EPB41L1: variants seen among roughly 807,000 people sequenced by gnomAD.
The protein encoded by EPB41L1 is erythrocyte membrane protein band 4.1 like 1.
Under a neutral mutation model 97.8 loss-of-function variants are expected in EPB41L1, and 29 were observed. The observed-to-expected ratio is 0.30, with a 90% CI of 0.22 to 0.40. The LOEUF is 0.40. Among genes scored for constraint, EPB41L1 ranks in the 10% least tolerant of loss-of-function variants. The pLI is 1.00. For synonymous variants in EPB41L1, 383 were observed against 459.2 expected, an observed-to-expected ratio of 0.83 and a Z score of 2.12; for missense variants, 812 against 1,162.3, an observed-to-expected ratio of 0.70 and a Z score of 4.38.
rs1394030032 is a variant in EPB41L1, at chr20:36,231,231, T to A, written c.*1891T>A. On this transcript the variant is annotated 3_prime_UTR_variant, in exon 22 of 22. Coordinates refer to ENST00000338074, the MANE Select transcript of EPB41L1 (RefSeq NM_012156.2). ...GCATTGCTCTCTGCCACACGTGGGC[T>A]TCCTCAGGCTTGTCTGCCACAAGCT... The A allele has an allele frequency of 6.6e-6, 1 of 152,216 alleles. No individual in the cohort carries two copies. The highest frequency in any genetic ancestry group is 1.5e-5 in the Non-Finnish European group (1 of 68,036). The allele number at this position is 152,216 out of a possible 1,614,324, so 9.4% of individuals were successfully genotyped here. A position where few individuals can be genotyped will look rare whatever the true frequency, so the allele number is the denominator to read the frequency against.
intron 11 of EPB41L1, among the ~76,000 whole-genome samples, chr20:36,193,335 G>A (rs1031062464): frequency 6.6e-6 from 1 of 152,150 alleles, no homozygotes; most frequent in Non-Finnish European, 1.5e-5. Flanking sequence ...TCAACATAGG[G>A]TATTGTGTAA....
At chr20:36,111,099 A>T (rs2058385766) in intron 1 of EPB41L1, among the ~76,000 whole-genome samples, 1 of 152,238 alleles carries the variant, frequency 6.6e-6, no homozygotes, top group Non-Finnish European at 1.5e-5. Context: ...GCATCATCTC[A>T]TTTAGTCCCC....
intron 1 of EPB41L1, among the ~76,000 whole-genome samples, chr20:36,169,401 T>A (rs894060308): frequency 1.3e-5 from 2 of 152,278 alleles, no homozygotes; most frequent in African/African-American, 4.8e-5. Flanking sequence ...AAGAGGTCCA[T>A]GAATGACTGT....
At chr20:36,124,440 G>A in intron 2 of EPB41L1, among the ~76,000 whole-genome samples, 1 of 152,108 alleles carries the variant, frequency 6.6e-6, no homozygotes, top group Non-Finnish European at 1.5e-5. Flanking sequence ...TAGATCATTG[G>A]AAATTATTCT....
At chr20:36,191,310 T>G (rs1232594066) in intron 11 of EPB41L1, among the ~76,000 whole-genome samples, 1 of 152,176 alleles carries the variant, frequency 6.6e-6, no homozygotes, top group Non-Finnish European at 1.5e-5. Context: ...TTGGTCATTC[T>G]TTTGGTTCTA....
rs1050785616 is a variant in EPB41L1 at position 36,232,697 on chromosome 20, G to A, written c.*3357G>A. 13 of 398,404 alleles carry A rather than the reference G, an allele frequency of 3.3e-5. No individual in the cohort carries two copies. Among genetic ancestry groups the A allele is most frequent in the African/African-American group, 2.1e-4 (10 of 48,334 alleles). 24.7% of individuals were successfully genotyped at this position (398,404 alleles called of 1,614,324 possible). On this transcript the variant is annotated 3_prime_UTR_variant, in exon 22 of 22. Coordinates refer to ENST00000338074, the MANE Select transcript of EPB41L1 (RefSeq NM_012156.2). ...TACTCACACCCTTCTCTCCTTTCTC[G>A]TCCCCATGCTCCCCCACCTCAGTGC...
intron 14 of EPB41L1, chr20:36,200,901 G>A (rs561798794): frequency 1.1e-5 from 5 of 456,664 alleles, no homozygotes; most frequent in Admixed American, 4.7e-5. Context: ...ATCTCTCAGC[G>A]GGACTTGGTA....
rs143221478 is a variant in EPB41L1, at chr20:36,227,050, C to T, written c.2638-2282C>T. Among the ~76,000 whole-genome samples, 6 of 152,250 alleles carry T rather than the reference C, an allele frequency of 3.9e-5. No homozygotes were observed. The East Asian group carries it at 1.2e-3, about 29-fold the overall frequency. ...TGACCAGGGGCCAGGCACAGTGGCT[C>T]ACACTTGTAATCCCAGCACTTTGGG... On this transcript the variant is annotated intron_variant, in intron 21 of 21. Transcript: ENST00000338074.
At chr20:36,201,123 C>T (rs935365553) in intron 14 of EPB41L1, 93 of 371,026 alleles carry the variant, frequency 2.5e-4, no homozygotes, top group African/African-American at 1.8e-3. Flanking sequence ...CATGCTGTCT[C>T]CATGCTGTGA....
At position 36,097,157 on chromosome 20, in the gene EPB41L1, C is replaced by T. The variant is rs113076080; in HGVS notation, c.-65+5545C>T. Among the ~76,000 whole-genome samples, 789 of 152,314 alleles carry T rather than the reference C, an allele frequency of 5.2e-3. 3 individuals are homozygous for T. Among genetic ancestry groups the T allele is most frequent in the Non-Finnish European group, 8.0e-3 (543 of 68,034 alleles). ...ATTGAAAGAGGAATCCAAATATCTG[C>T]GTCCATGCCTTGTTATGTGACTGAG... On this transcript the variant is annotated intron_variant, in intron 1 of 19. Coordinates refer to the EPB41L1 transcript ENST00000202028.
At chr20:36,156,228 A>G (rs1018751220) in intron 1 of EPB41L1, among the ~76,000 whole-genome samples, 11 of 152,270 alleles carry the variant, frequency 7.2e-5, no homozygotes, top group Middle Eastern at 3.4e-3. Flanking sequence ...CAGGCATAGT[A>G]TTTATGGCAT....
In EPB41L1 at chr20:36,222,095, C is replaced by A. The variant is rs2063816493; in HGVS notation, c.2520+151C>A. 2.0e-5 allele frequency: 20 copies of A among 1,019,162 alleles called. No homozygotes were observed. In the South Asian group the frequency reaches 2.4e-4, roughly 12 times the overall value. The allele number at this position is 1,019,162 out of a possible 1,614,324, so 63.1% of individuals were successfully genotyped here. On this transcript the variant is annotated intron_variant, in intron 20 of 21. Coordinates refer to ENST00000338074, the MANE Select transcript of EPB41L1 (RefSeq NM_012156.2). ...AGATAAGAAACCCCCAAGAGAGGGG[C>A]ATTGGATGGGAGCCAGAAGGAGCCA...
chr20:36,130,969 C>T (rs1398487090), intron 2 of EPB41L1, among the ~76,000 whole-genome samples: 2 of 150,932 alleles, frequency 1.3e-5, no homozygotes, highest in South Asian at 2.1e-4. Flanking sequence ...CCACCACACC[C>T]GGCTAATTTT....
At chr20:36,229,277 CT>C in intron 21 of EPB41L1, 54 bp from the exon 22 acceptor site, 1 of 1,466,428 alleles carries the variant, frequency 6.8e-7, no homozygotes, top group Non-Finnish European at 9.5e-7. Context: ...TGTCCTCTTC[CT>C]TCCTTTCCCC....
Position 36,222,351 on chromosome 20 carries a change from G to C in EPB41L1, c.2594G>C (p.Arg865Thr), listed in dbSNP as rs757167798. Residue 865 changes from arginine to threonine, a missense_variant, in exon 21 of 22, where the codon AGA becomes ACA. By Grantham distance (71) the Arg-to-Thr change is moderately conservative. Transcript: ENST00000338074. ...CTGGTAACCAAAGCTGTCGTATACA[G>C]AGAAACAGACCCATCCCCAGAGGAG... ...DMLVTKAVVY[R>T]ETDPSPEERD... 6 of 1,614,154 alleles carry C rather than the reference G, an allele frequency of 3.7e-6. No homozygotes were observed. The highest frequency in any genetic ancestry group is 4.2e-6 in the Non-Finnish European group (5 of 1,180,042).
chr20:36,099,160 C>T (rs1476573814), intron 1 of EPB41L1, among the ~76,000 whole-genome samples: 1 of 152,058 alleles, frequency 6.6e-6, no homozygotes, highest in Non-Finnish European at 1.5e-5. Context: ...CAGAGCAAGA[C>T]TCCGTCTCGA....
Position 36,178,040 on chromosome 20 carries a change from A to T in EPB41L1, c.431A>T (p.Asp144Val), listed in dbSNP as rs1317420506. 1 of 1,613,774 alleles carries T rather than the reference A, an allele frequency of 6.2e-7. No individual in the cohort carries two copies. The highest frequency in any genetic ancestry group is 1.3e-5 in the African/African-American group (1 of 74,918). ...EKDYFGLTFC[D>V]ADSQKNWLDP... ...GACTACTTCGGCCTGACCTTCTGTG[A>T]TGCTGACAGCCAGAAGGTACCTGGG... The change falls in exon 4 of 22, where the codon GAT becomes GTT. Residue 144 changes from aspartate to valine, a missense_variant. Physicochemically the swap from Asp to Val is radical, Grantham distance 152 (BLOSUM62 -3). Coordinates refer to ENST00000338074, the MANE Select transcript of EPB41L1 (RefSeq NM_012156.2).
In EPB41L1 at chr20:36,206,468, G is replaced by A. The variant is rs570064936; in HGVS notation, c.1669-3020G>A. ...ACTGATACTTCCTTTGCAGAGAGGA[G>A]CTTCTATTTAAATTATGAAGAAAAA... On this transcript the variant is annotated intron_variant, in intron 14 of 21. Transcript: ENST00000338074. The surrounding 1 kb of genome is among the most constrained non-coding windows in gnomAD (Gnocchi z 5.5). 1 of 1,289,956 alleles carries A rather than the reference G, an allele frequency of 7.8e-7. No homozygotes were observed. Among genetic ancestry groups the A allele is most frequent in the East Asian group, 5.5e-5 (1 of 18,026 alleles). The allele number at this position is 1,289,956 out of a possible 1,614,324, so 79.9% of individuals were successfully genotyped here.
intron 1 of EPB41L1, 47 bp from the exon 2 acceptor site, chr20:36,173,717 C>A (rs977923404): frequency 1.1e-5 from 17 of 1,567,696 alleles, no homozygotes; most frequent in Non-Finnish European, 1.5e-5. Flanking sequence ...CGCTGTCATA[C>A]CATTGCTGTC....
Sources: gnomAD v4.1 joint callset for allele counts (sites outside exome capture counted in the v4.1 genomes callset) on GRCh38, gnomAD v4.1.1 for gene constraint, Gnocchi (gnomAD v3.1) non-coding constraint, MANE v1.5 for transcripts, NCBI Gene and HGNC (gene_info 2026-07-23, HGNC 2026-07-21) for gene names.